Variants in FDFT1 observed in about 807,000 individuals in gnomAD.
The protein encoded by FDFT1 is farnesyl-diphosphate farnesyltransferase 1.
In FDFT1, 68 loss-of-function variants were observed where a neutral mutation model predicts 46.8. The observed-to-expected ratio is 1.45, with a 90% CI of 1.19 to 1.78. FDFT1 has a LOEUF of 1.78. FDFT1 is among the 40% of genes most tolerant of loss of function. The probability of loss-of-function intolerance (pLI) is 0.00; values close to 1 mark genes in which losing one functional copy is unlikely to be tolerated. For missense variants in FDFT1, 928 were observed against 524.4 expected, an observed-to-expected ratio of 1.77 and a Z score of -7.52; for synonymous variants, 351 against 185.1, an observed-to-expected ratio of 1.90 and a Z score of -7.28.
Position 11,830,368 on chromosome 8 carries a change from A to G in FDFT1, c.827A>G (p.Tyr276Cys). 1 of 1,613,778 alleles carries G rather than the reference A, an allele frequency of 6.2e-7. No homozygotes were observed. The highest frequency in any genetic ancestry group is 8.5e-7 in the Non-Finnish European group (1 of 1,179,822). ...CACCACATCCCAGATGTCATCACCT[A>G]CCTTTCGAGACTCAGAAACCAGAGT... Reference protein sequence around the residue: ...ALHHIPDVITYLSRLRNQSVF... With the variant: ...ALHHIPDVITCLSRLRNQSVF... Residue 276 changes from tyrosine to cysteine, a missense_variant, in exon 6 of 8, where the codon TAC becomes TGC. By Grantham distance (194) the Tyr-to-Cys change is radical. Coordinates refer to ENST00000220584, the MANE Select transcript of FDFT1 (RefSeq NM_004462.5).
rs1028370246 is a variant in FDFT1 at position 11,802,776 on chromosome 8, G to A, written c.-57G>A. ...CTCCACAGGTCCAGCCGGCCGGTGAGCGCCTGGGGACCGCAGAGGTGAGAG... is the reference window on the plus strand; with the variant it reads ...CTCCACAGGTCCAGCCGGCCGGTGAACGCCTGGGGACCGCAGAGGTGAGAG... On this transcript the variant is annotated 5_prime_UTR_variant, in exon 1 of 8. Transcript: ENST00000220584. The A allele has an allele frequency of 1.6e-5, 22 of 1,398,128 alleles. No homozygotes were observed. The highest frequency in any genetic ancestry group is 2.0e-5 in the Non-Finnish European group (20 of 1,001,264). 86.6% of individuals were successfully genotyped at this position (1,398,128 alleles called of 1,614,324 possible).
rs531938922 is a variant in FDFT1 at position 11,796,866 on chromosome 8, C to T, written c.-94+855C>T. 2.0e-5 allele frequency among the ~76,000 whole-genome samples: 3 copies of T among 152,346 alleles called. No individual in the cohort carries two copies. The East Asian group carries it at 5.8e-4, about 29-fold the overall frequency. On this transcript the variant is annotated intron_variant, in intron 1 of 7. Transcript: ENST00000538689. ...GAGCCAGTGGTAAGGTGGAAGAAAACAACTTCATTAAAGAGGCAGTGTGAC... is the reference window on the plus strand; with the variant it reads ...GAGCCAGTGGTAAGGTGGAAGAAAATAACTTCATTAAAGAGGCAGTGTGAC...
intron 3 of FDFT1, among the ~76,000 whole-genome samples, chr8:11,819,243 G>T (rs1808887058): frequency 6.6e-6 from 1 of 152,186 alleles, no homozygotes; most frequent in Non-Finnish European, 1.5e-5. Context: ...GCTTCCCTTT[G>T]TGGGTAACCC....
chr8:11,813,372 TACTA>T lies in FDFT1; in HGVS notation c.381+3524_381+3527del, dbSNP rs1286548557. ...ATTGAGCATTTTACTATGAGTTACT[TACTA>T]AATATATTTCATCGTTAATTTACTC... On this transcript the variant is annotated intron_variant, in intron 3 of 7. Transcript: ENST00000220584. 7.9e-5 allele frequency among the ~76,000 whole-genome samples: 12 copies of T among 152,238 alleles called. 1 individual carries two copies. Among genetic ancestry groups the T allele is most frequent in the African/African-American group, 2.2e-4 (9 of 41,464 alleles).
rs776669194 is a variant in FDFT1 at position 11,830,366 on chromosome 8, C to T, written c.825C>T (p.Thr275=). The T allele has an allele frequency of 5.0e-6, 8 of 1,613,902 alleles. No individual in the cohort carries two copies. In the South Asian group the frequency reaches 6.6e-5, roughly 13 times the overall value. Residue 275 remains threonine, a synonymous_variant, in exon 6 of 8, where the codon ACC becomes ACT. Transcript: ENST00000220584. The part of the protein sequence containing the change: ...NALHHIPDVI[T]YLSRLRNQSV... ...TGCACCACATCCCAGATGTCATCAC[C>T]TACCTTTCGAGACTCAGAAACCAGA... is the stretch of plus-strand genomic sequence containing the variant.
upstream of FDFT1, among the ~76,000 whole-genome samples, chr8:11,798,429 G>C (rs143017575): frequency 6.6e-6 from 1 of 152,152 alleles, no homozygotes. Flanking sequence ...ACTTCAACAT[G>C]GTTTGGGAAA....
At chr8:11,798,335 C>T (rs986035713), upstream of FDFT1, among the ~76,000 whole-genome samples, 2 of 152,188 alleles carry the variant, frequency 1.3e-5, no homozygotes, top group African/African-American at 2.4e-5. Flanking sequence ...GCTGGGATTA[C>T]AGGTGTGAGC....
intron 3 of FDFT1, among the ~76,000 whole-genome samples, chr8:11,819,459 A>G (rs930638252): frequency 5.3e-5 from 8 of 151,854 alleles, no homozygotes; most frequent in African/African-American, 1.9e-4. Context: ...ACTTGGTTCC[A>G]TTCTGTCTAT....
intron 1 of FDFT1, among the ~76,000 whole-genome samples, chr8:11,797,147 G>T (rs532069157): frequency 1.3e-5 from 2 of 152,314 alleles, no homozygotes; most frequent in South Asian, 4.1e-4. Flanking sequence ...GTGTCTTAAG[G>T]ACGGCTGCTT....
chr8:11,828,784 G>C (rs544158562), intron 5 of FDFT1, among the ~76,000 whole-genome samples: 8 of 152,358 alleles, frequency 5.3e-5, no homozygotes, highest in African/African-American at 1.9e-4. Context: ...TAGGTGATTG[G>C]CTTCTTTTGC....
chr8:11,838,499 T>A lies in FDFT1; in HGVS notation c.1144T>A (p.Tyr382Asn). 1 of 1,607,418 alleles carries A rather than the reference T, an allele frequency of 6.2e-7. No homozygotes were observed. The change falls in exon 8 of 8, where the codon TAC becomes AAC. Residue 382 changes from tyrosine to asparagine, a missense_variant. Physicochemically the swap from Tyr to Asn is moderately radical, Grantham distance 143. Coordinates refer to ENST00000220584, the MANE Select transcript of FDFT1 (RefSeq NM_004462.5). ...PNCQLISRSH[Y>N]SPIYLSFVML... ...CTGTCAGCTGATTTCCCGAAGCCACTACTCCCCCATCTACCTGTCGTTTGT... is the reference window on the plus strand; with the variant it reads ...CTGTCAGCTGATTTCCCGAAGCCACAACTCCCCCATCTACCTGTCGTTTGT...
intron 5 of FDFT1, 75 bp downstream of exon 5, chr8:11,826,290 C>A: frequency 3.3e-6 from 4 of 1,203,276 alleles, no homozygotes; most frequent in East Asian, 2.4e-5. Context: ...CTTGTGGTTG[C>A]GGGTGACAGA....
chr8:11,811,871 G>C (rs1360196320), intron 3 of FDFT1, among the ~76,000 whole-genome samples: 1 of 152,218 alleles, frequency 6.6e-6, no homozygotes. Context: ...GGTCCCTCCA[G>C]TCTGTGATTC....
At chr8:11,801,706 T>G (rs1485837920), upstream of FDFT1, 1 of 293,994 alleles carries the variant, frequency 3.4e-6, no homozygotes, top group Non-Finnish European at 6.6e-6. Context: ...TTTTTTTTTT[T>G]TTTTGGAGAC....
Position 11,802,747 on chromosome 8 carries a change from C to G in FDFT1, c.-86C>G, listed in dbSNP as rs1806288373. On this transcript the variant is annotated 5_prime_UTR_variant, in exon 1 of 8. Coordinates refer to ENST00000220584, the MANE Select transcript of FDFT1 (RefSeq NM_004462.5). ...CCTGTCCGGCCAGCCCCTCGAAGCA[C>G]CTACTCCACAGGTCCAGCCGGCCGG... The G allele has an allele frequency of 2.4e-5, 25 of 1,044,900 alleles. No individual in the cohort carries two copies. In the East Asian group the frequency reaches 6.4e-4, roughly 27 times the overall value. The allele number at this position is 1,044,900 out of a possible 1,614,324, so 64.7% of individuals were successfully genotyped here. A position where few individuals can be genotyped will look rare whatever the true frequency, so the allele number is the denominator to read the frequency against.
chr8:11,814,692 G>C (rs1351814053), intron 3 of FDFT1, among the ~76,000 whole-genome samples: 1 of 152,094 alleles, frequency 6.6e-6, no homozygotes. Flanking sequence ...TTGGACTATG[G>C]AAAAAGTATT....
At chr8:11,807,998 CAG>C (rs1807081175) in intron 1 of FDFT1, 2 of 152,612 alleles carry the variant, frequency 1.3e-5, no homozygotes, top group South Asian at 2.1e-4. Context: ...CGAGGAAACA[CAG>C]GGGTGTGCAT....
chr8:11,810,906 A>T (rs539256852), intron 3 of FDFT1, among the ~76,000 whole-genome samples: 2 of 128,606 alleles, frequency 1.6e-5, no homozygotes, highest in East Asian at 5.5e-4. Flanking sequence ...AGAATCTTTG[A>T]TTCTTGGGCA....
In FDFT1 at chr8:11,838,724, G is replaced by A; in HGVS notation, c.*115G>A. The A allele has an allele frequency of 2.4e-6, 2 of 825,754 alleles. No homozygotes were observed. The highest frequency in any genetic ancestry group is 2.6e-5 in the East Asian group (1 of 37,924). The allele number at this position is 825,754 out of a possible 1,614,324, so 51.2% of individuals were successfully genotyped here. On this transcript the variant is annotated 3_prime_UTR_variant, in exon 8 of 8. Transcript: ENST00000220584. ...CTACTACTTTAATCCCTAAAAGAAC[G>A]CTGTGTGGCTGGGACCTTTAGGAAA...
Sources: allele counts gnomAD v4.1 joint callset (sites outside exome capture counted in the v4.1 genomes callset), GRCh38; gene constraint gnomAD v4.1.1; transcripts MANE v1.5; gene names NCBI Gene and HGNC (gene_info 2026-07-23, HGNC 2026-07-21).